The following NPTN variants were observed in gnomAD, a reference collection of about 807,000 sequenced individuals.
NPTN encodes neuroplastin, also known as SDR-1.
NPTN carries 5 observed loss-of-function variants against 42.7 expected under a neutral mutation model. That is an observed-to-expected ratio of 0.12 (90% CI 0.06 to 0.25). NPTN has a LOEUF of 0.25. NPTN is among the 10% of genes least tolerant of loss of function. The probability of loss-of-function intolerance (pLI) is 1.00; values close to 1 mark genes in which losing one functional copy is unlikely to be tolerated. For synonymous variants in NPTN, 180 were observed against 201.9 expected (o/e 0.89, Z 0.92); for missense variants, 307 against 525.4 (o/e 0.58, Z 4.06).
intron 1 of NPTN, among the ~76,000 whole-genome samples, chr15:73,622,075 C>T (rs1898160829): frequency 2.0e-5 from 3 of 152,078 alleles, no homozygotes; most frequent in Middle Eastern, 3.4e-3. Context: ...CACTCGAACC[C>T]GGGAGATGGA....
intron 1 of NPTN, among the ~76,000 whole-genome samples, chr15:73,609,433 A>T (rs551372068): frequency 4.1e-4 from 62 of 152,178 alleles, no homozygotes; most frequent in Non-Finnish European, 7.2e-4. Context: ...GTTCAAGAGC[A>T]GCCTGGCCAA....
chr15:73,570,573 T>TCAA lies in NPTN; in HGVS notation c.841-153_841-151dup. On this transcript the variant is annotated intron_variant, in intron 5 of 8. Coordinates refer to ENST00000345330, the MANE Select transcript of NPTN (RefSeq NM_012428.4). This position sits in a 1 kb window ranked among gnomAD's most constrained non-coding sequence, Gnocchi z 4.0. ...TTTCATTAATGATTTCCCTTCAGTA[T>TCAA]CAACAACAACAAATCAACTTCTGAC... The TCAA allele has an allele frequency of 1.4e-6, 1 of 717,002 alleles. No homozygotes were observed. The highest frequency in any genetic ancestry group is 2.3e-6 in the Non-Finnish European group (1 of 439,394). 44.4% of individuals were successfully genotyped at this position (717,002 alleles called of 1,614,324 possible).
chr15:73,587,884 C>T (rs1000437518), intron 3 of NPTN, among the ~76,000 whole-genome samples: 2 of 152,112 alleles, frequency 1.3e-5, no homozygotes, highest in Non-Finnish European at 2.9e-5. Context: ...AAACAAAATG[C>T]AAAAGAAGTA....
At chr15:73,627,094 G>T (rs1898456701) in intron 1 of NPTN, among the ~76,000 whole-genome samples, 2 of 152,192 alleles carry the variant, frequency 1.3e-5, no homozygotes, top group Middle Eastern at 3.2e-3. Flanking sequence ...AATTAGCTGA[G>T]TATGGTGGCT....
intron 1 of NPTN, among the ~76,000 whole-genome samples, chr15:73,624,960 G>A (rs977715234): frequency 1.3e-5 from 2 of 152,078 alleles, no homozygotes; most frequent in Admixed American, 6.5e-5. Context: ...ATATATAATG[G>A]CTAATGTATA....
At chr15:73,603,561 T>C (rs1419936910) in intron 1 of NPTN, among the ~76,000 whole-genome samples, 1 of 152,076 alleles carries the variant, frequency 6.6e-6, no homozygotes, top group Non-Finnish European at 1.5e-5. Flanking sequence ...CTCAAGGAAT[T>C]AGCAAGTGTT....
intron 1 of NPTN, among the ~76,000 whole-genome samples, chr15:73,615,358 C>T (rs947775293): frequency 5.3e-5 from 8 of 151,982 alleles, no homozygotes; most frequent in East Asian, 1.9e-4. Flanking sequence ...TTAGACATAA[C>T]GCAAAGTATA....
At chr15:73,587,071 C>T (rs538859157) in intron 4 of NPTN, among the ~76,000 whole-genome samples, 253 of 152,340 alleles carry the variant, frequency 1.7e-3, no homozygotes, top group Non-Finnish European at 2.6e-3. Context: ...GCACACTGTA[C>T]TTTCCCCTCA....
intron 1 of NPTN, among the ~76,000 whole-genome samples, chr15:73,603,843 G>C (rs1897173480): frequency 6.6e-6 from 1 of 152,134 alleles, no homozygotes; most frequent in Middle Eastern, 3.2e-3. Flanking sequence ...CCTAAGAAAA[G>C]GTGTCAGGTT....
At chr15:73,588,872 G>A (rs1896448502) in intron 3 of NPTN, among the ~76,000 whole-genome samples, 1 of 152,198 alleles carries the variant, frequency 6.6e-6, no homozygotes, top group Non-Finnish European at 1.5e-5. Context: ...ATGTGGATAG[G>A]CACTGTTTAT....
At chr15:73,580,046 A>C (rs1464937215) in intron 4 of NPTN, among the ~76,000 whole-genome samples, 2 of 152,174 alleles carry the variant, frequency 1.3e-5, no homozygotes, top group Non-Finnish European at 2.9e-5. Context: ...TTGATGAAGC[A>C]GACATTACCC....
chr15:73,580,398 T>C (rs1340771910), intron 4 of NPTN, among the ~76,000 whole-genome samples: 1 of 128,206 alleles, frequency 7.8e-6, no homozygotes, highest in Non-Finnish European at 1.6e-5. Flanking sequence ...AAAATATATA[T>C]ATTATATATA....
intron 1 of NPTN, among the ~76,000 whole-genome samples, chr15:73,614,087 A>G (rs1897736260): frequency 6.6e-6 from 1 of 151,908 alleles, no homozygotes; most frequent in Admixed American, 6.6e-5. Context: ...TGGCGCAGGT[A>G]GATCACTTGA....
intron 4 of NPTN, among the ~76,000 whole-genome samples, chr15:73,584,246 C>T (rs1896203332): frequency 6.6e-6 from 1 of 152,134 alleles, no homozygotes; most frequent in Non-Finnish European, 1.5e-5. Context: ...CCAAAAACAG[C>T]AATAAAATTC....
At chr15:73,625,348 T>C (rs1898343427) in intron 1 of NPTN, among the ~76,000 whole-genome samples, 1 of 152,220 alleles carries the variant, frequency 6.6e-6, no homozygotes, top group Non-Finnish European at 1.5e-5. Context: ...AAAGCCTTTT[T>C]CTAAAGAGCT....
intron 3 of NPTN, 150 bp downstream of exon 3, chr15:73,591,816 G>A (rs1329455495): frequency 4.6e-6 from 3 of 646,044 alleles, no homozygotes; most frequent in Admixed American, 5.1e-5. Context: ...TAGACTACTG[G>A]GCCTTACCTG....
At chr15:73,574,144 C>T (rs1037010375) in intron 4 of NPTN, among the ~76,000 whole-genome samples, 8 of 152,184 alleles carry the variant, frequency 5.3e-5, no homozygotes, top group East Asian at 1.9e-4. Flanking sequence ...TCTCTTCTAT[C>T]GGCCCAAGTT....
In NPTN at chr15:73,585,114, G is replaced by A. The variant is rs571302625; in HGVS notation, c.706+2410C>T. 9.8e-5 allele frequency among the ~76,000 whole-genome samples: 15 copies of A among 152,314 alleles called. 1 individual carries two copies. The highest frequency in any genetic ancestry group is 3.4e-3 in the Middle Eastern group (1 of 294). On this transcript the variant is annotated intron_variant, in intron 4 of 8. Coordinates refer to ENST00000345330, the MANE Select transcript of NPTN (RefSeq NM_012428.4). ...AGGAAAAGGCAGATGGGAAAGAAACGGCTGAGAGCAGAATAGATGATGAAG... is the reference window on the plus strand; with the variant it reads ...AGGAAAAGGCAGATGGGAAAGAAACAGCTGAGAGCAGAATAGATGATGAAG...
intron 1 of NPTN, among the ~76,000 whole-genome samples, chr15:73,627,217 C>A (rs953192592): frequency 6.6e-6 from 1 of 152,048 alleles, no homozygotes; most frequent in Non-Finnish European, 1.5e-5. Flanking sequence ...GCCTGGGCAA[C>A]AGAGCAAGAC....
Sources: gnomAD v4.1 joint callset for allele counts (sites outside exome capture counted in the v4.1 genomes callset) on GRCh38, gnomAD v4.1.1 for gene constraint, Gnocchi (gnomAD v3.1) non-coding constraint, MANE v1.5 for transcripts, NCBI Gene and HGNC (gene_info 2026-07-23, HGNC 2026-07-21) for gene names.